GC: variants seen among roughly 807,000 people sequenced by gnomAD.
GC encodes GC vitamin D binding protein, also known as vitamin D-binding protein.
A neutral mutation model predicts 56.7 loss-of-function variants in GC; 43 were observed. That is an observed-to-expected ratio of 0.76 (90% CI 0.59 to 0.98). The LOEUF (loss-of-function observed/expected upper bound fraction) is 0.98, where lower values mean the gene tolerates loss of function less well. Ranked by LOEUF, GC falls within the 50% of genes least tolerant of loss-of-function variation. GC has a pLI of 0.00. For missense variants in GC, 529 were observed against 545.9 expected, an observed-to-expected ratio of 0.97 and a Z score of 0.31; for synonymous variants, 216 against 202.7, an observed-to-expected ratio of 1.07 and a Z score of -0.56.
chr4:71,804,086 G>A (rs1018749092), upstream of GC: 4 of 684,278 alleles, frequency 5.8e-6, no homozygotes, highest in Non-Finnish European at 7.9e-6. Flanking sequence ...TTGTATGCAA[G>A]CTCCACCAAT....
intron 11 of GC, among the ~76,000 whole-genome samples, chr4:71,749,982 T>G (rs1741494326): frequency 6.6e-6 from 1 of 152,132 alleles, no homozygotes; most frequent in South Asian, 2.1e-4. Context: ...TAGAAAAAGA[T>G]GTAGCTCCAT....
intron 1 of GC, among the ~76,000 whole-genome samples, chr4:71,801,103 G>A (rs991265293): frequency 1.3e-5 from 2 of 152,138 alleles, no homozygotes; most frequent in African/African-American, 4.8e-5. Context: ...CTCATATCCA[G>A]AAGAGAGAAC....
chr4:71,769,500 A>C (rs1257982341), intron 1 of GC, 100 bp from the exon 2 acceptor site: 1 of 786,552 alleles, frequency 1.3e-6, no homozygotes, highest in African/African-American at 1.7e-5. Flanking sequence ...CCTACAATGA[A>C]AGTCGTATTT....
At chr4:71,788,775 G>A (rs1159208340), upstream of GC, among the ~76,000 whole-genome samples, 3 of 152,054 alleles carry the variant, frequency 2.0e-5, no homozygotes, top group South Asian at 4.1e-4. Flanking sequence ...GTTTATATGA[G>A]ACTTAGCTGA....
intron 1 of GC, among the ~76,000 whole-genome samples, chr4:71,790,015 A>C (rs1742931353): frequency 6.6e-6 from 1 of 152,000 alleles, no homozygotes; most frequent in South Asian, 2.1e-4. Context: ...TGTAGTTTTT[A>C]GTCTATTGTG....
At chr4:71,803,096 G>T (rs1359093211) in intron 1 of GC, among the ~76,000 whole-genome samples, 1 of 152,182 alleles carries the variant, frequency 6.6e-6, no homozygotes, top group Non-Finnish European at 1.5e-5. Flanking sequence ...TGAATAATGT[G>T]TTGCTATGCT....
intron 1 of GC, among the ~76,000 whole-genome samples, chr4:71,783,346 C>T (rs2149306825): frequency 6.6e-6 from 1 of 151,698 alleles, no homozygotes; most frequent in East Asian, 1.9e-4. Context: ...AATTTTTAAA[C>T]ATTGCCCAAA....
chr4:71,758,716 T>A (rs1314516986), intron 6 of GC, among the ~76,000 whole-genome samples: 1 of 152,200 alleles, frequency 6.6e-6, no homozygotes, highest in Non-Finnish European at 1.5e-5. Flanking sequence ...TAAATATTTT[T>A]TCAATATTAA....
chr4:71,801,586 C>G (rs1245307053), intron 1 of GC, among the ~76,000 whole-genome samples: 1 of 152,032 alleles, frequency 6.6e-6, no homozygotes, highest in Non-Finnish European at 1.5e-5. Flanking sequence ...ACCTGCTGTC[C>G]AACACATGAA....
chr4:71,758,083 T>C lies in GC; in HGVS notation c.790A>G (p.Lys264Glu). 1 of 1,613,670 alleles carries C rather than the reference T, an allele frequency of 6.2e-7. No individual in the cohort carries two copies. Among genetic ancestry groups the C allele is most frequent in the South Asian group, 1.1e-5 (1 of 91,052 alleles). Residue 264 changes from lysine (K) to glutamate (E), a missense_variant, in exon 7 of 13, where the codon AAA (lysine) becomes GAA (glutamate). Transcript: ENST00000273951. The part of the protein sequence containing the change: ...LAEDITNILS[K>E]CCESASEDCM... ...TCTTCAGAGGCAGACTCACAGCATT[T>C]GGAGAGGATGTTAGTAATATCTTCA...
upstream of GC, among the ~76,000 whole-genome samples, chr4:71,804,364 G>T (rs951920292): frequency 6.6e-6 from 1 of 152,138 alleles, no homozygotes; most frequent in Non-Finnish European, 1.5e-5. Context: ...TCCCCCTTTT[G>T]GGGAGCAGTC....
chr4:71,769,687 G>A (rs899229947), intron 1 of GC: 18 of 282,114 alleles, frequency 6.4e-5, no homozygotes, highest in South Asian at 5.2e-4. Context: ...TGAGTCAGAA[G>A]CTATTGATAT....
chr4:71,745,088 T>C (rs946710958), intron 12 of GC, among the ~76,000 whole-genome samples: 1 of 152,208 alleles, frequency 6.6e-6, no homozygotes, highest in African/African-American at 2.4e-5. Flanking sequence ...TATTCATTTT[T>C]ACTGCTTTTT....
Position 71,768,346 on chromosome 4 carries a change from T to G in GC, c.216A>C (p.Glu72Asp). 1.2e-6 allele frequency: 2 copies of G among 1,613,470 alleles called. No homozygotes were observed. The highest frequency in any genetic ancestry group is 1.7e-6 in the Non-Finnish European group (2 of 1,179,696). Residue 72 changes from glutamate (E) to aspartate (D), a missense_variant, in exon 3 of 13, where the codon GAA becomes GAC. Coordinates refer to ENST00000273951, the MANE Select transcript of GC (RefSeq NM_000583.4). Reference sequence around the variant, plus strand: ...GGTCAGCCCCTTCCGCACAGCAGGCTTCGGTCAAGGAGACAACTTCCTTCA... The same window carrying G: ...GGTCAGCCCCTTCCGCACAGCAGGCGTCGGTCAAGGAGACAACTTCCTTCA... The part of the protein sequence containing the change: ...QLVKEVVSLT[E>D]ACCAEGADPD...
chr4:71,779,757 C>A (rs1742616320), intron 1 of GC, among the ~76,000 whole-genome samples: 1 of 151,706 alleles, frequency 6.6e-6, no homozygotes, highest in Non-Finnish European at 1.5e-5. Context: ...GGCATTGCAC[C>A]TGATATCAGT....
At chr4:71,780,940 G>A (rs1189828007) in intron 1 of GC, among the ~76,000 whole-genome samples, 3 of 152,232 alleles carry the variant, frequency 2.0e-5, no homozygotes, top group Admixed American at 1.3e-4. Flanking sequence ...GCACATGTAT[G>A]TTTATTGTGG....
At chr4:71,805,018 A>G (rs113203285), upstream of GC, among the ~76,000 whole-genome samples, 3,153 of 152,238 alleles carry the variant, frequency 0.021, 113 homozygotes, top group African/African-American at 0.072. Flanking sequence ...CCTAAGGCCC[A>G]TAATGTTAAA....
chr4:71,797,459 A>C (rs1288904775), intron 1 of GC, among the ~76,000 whole-genome samples: 2 of 152,252 alleles, frequency 1.3e-5, no homozygotes, highest in Non-Finnish European at 2.9e-5. Context: ...CTGCGCTAGC[A>C]GTGAGCAAGG....
chr4:71,767,876 G>T (rs1204257432), intron 3 of GC, among the ~76,000 whole-genome samples: 1 of 151,688 alleles, frequency 6.6e-6, no homozygotes, highest in Non-Finnish European at 1.5e-5. Flanking sequence ...AATCCTCATA[G>T]CTTAGCTCCC....
Sources: allele counts gnomAD v4.1 joint callset (sites outside exome capture counted in the v4.1 genomes callset), GRCh38; gene constraint gnomAD v4.1.1; transcripts MANE v1.5; gene names NCBI Gene and HGNC (gene_info 2026-07-23, HGNC 2026-07-21).